L3MBTL4: variants seen among roughly 807,000 people sequenced by gnomAD.
L3MBTL4 encodes L3MBTL histone methyl-lysine binding protein 4, also known as lethal(3)malignant brain tumor-like protein 4.
L3MBTL4 carries 70 observed loss-of-function variants against 84.5 expected under a neutral mutation model. That is an observed-to-expected ratio of 0.83 (90% confidence interval 0.68 to 1.01). The LOEUF is 1.01. Ranked by LOEUF, L3MBTL4 falls within the 50% of genes least tolerant of loss-of-function variation. The pLI, the probability that L3MBTL4 is intolerant of heterozygous loss-of-function variation, is 0.00. For synonymous variants in L3MBTL4, 274 were observed against 259.8 expected, an observed-to-expected ratio of 1.05 and a Z score of -0.52; for missense variants, 715 against 754.8, an observed-to-expected ratio of 0.95 and a Z score of 0.62.
intron 1 of L3MBTL4, among the ~76,000 whole-genome samples, chr18:6,404,304 C>T (rs2055632419): frequency 6.6e-6 from 1 of 152,290 alleles, no homozygotes; most frequent in East Asian, 1.9e-4. Flanking sequence ...ACCTCAGGAA[C>T]GTCCTTCCAC....
chr18:6,215,841 A>T lies in L3MBTL4; in HGVS notation c.785-6T>A, dbSNP rs1006192786. ...ATTTTCTGGATTGGGATAACCTGAA[A>T]ATATATATATATAAATAGCAAAAGA... On this transcript the variant is annotated splice_region_variant and splice_polypyrimidine_tract_variant and intron_variant, in intron 10 of 18. Transcript: ENST00000317931. The T allele has an allele frequency of 1.4e-5, 21 of 1,464,244 alleles. No homozygotes were observed. The highest frequency in any genetic ancestry group is 2.8e-5 in the African/African-American group (2 of 70,630). The allele number at this position is 1,464,244 out of a possible 1,614,324, so 90.7% of individuals were successfully genotyped here. A position where few individuals can be genotyped will look rare whatever the true frequency, so the allele number is the denominator to read the frequency against.
chr18:6,355,438 T>C (rs185806550), intron 1 of L3MBTL4, among the ~76,000 whole-genome samples: 42 of 152,166 alleles, frequency 2.8e-4, no homozygotes, highest in African/African-American at 6.3e-4. Context: ...TTTTTTTTTT[T>C]CTTTGGAAAA....
At chr18:6,317,977 G>T (rs1404944915) in intron 1 of L3MBTL4, among the ~76,000 whole-genome samples, 2 of 152,094 alleles carry the variant, frequency 1.3e-5, no homozygotes, top group Admixed American at 1.3e-4. Flanking sequence ...ATAACTGAGA[G>T]CCAAGAATTC....
intron 13 of L3MBTL4, among the ~76,000 whole-genome samples, chr18:6,171,427 G>A (rs2043965261): frequency 6.6e-6 from 1 of 152,122 alleles, no homozygotes; most frequent in Non-Finnish European, 1.5e-5. Context: ...AAAATTGTTG[G>A]AAGTTAAAAT....
At chr18:6,266,383 A>G (rs2146412002) in intron 4 of L3MBTL4, among the ~76,000 whole-genome samples, 1 of 152,190 alleles carries the variant, frequency 6.6e-6, no homozygotes, top group East Asian at 1.9e-4. Context: ...ACACACACAC[A>G]TCCTTGGAGA....
chr18:6,089,311 A>G (rs1211165310), intron 15 of L3MBTL4, among the ~76,000 whole-genome samples: 1 of 152,216 alleles, frequency 6.6e-6, no homozygotes, highest in Admixed American at 6.5e-5. Flanking sequence ...TTTGTATTAT[A>G]TATAGTATAA....
chr18:6,101,552 A>C (rs1031040538), intron 14 of L3MBTL4, among the ~76,000 whole-genome samples: 1 of 152,166 alleles, frequency 6.6e-6, no homozygotes, highest in Non-Finnish European at 1.5e-5. Context: ...TGTGGTAACA[A>C]AAGAGGCTTT....
intron 1 of L3MBTL4, among the ~76,000 whole-genome samples, chr18:6,363,489 G>T (rs868200050): frequency 1.6e-4 from 25 of 152,152 alleles, no homozygotes; most frequent in African/African-American, 4.8e-4. Context: ...AAGTGACAAA[G>T]ATAAAGAAAA....
At chr18:6,277,455 T>C (rs1334982357) in intron 4 of L3MBTL4, among the ~76,000 whole-genome samples, 2 of 152,190 alleles carry the variant, frequency 1.3e-5, no homozygotes, top group African/African-American at 4.8e-5. Flanking sequence ...CTCACATATC[T>C]CCTTCTGGTT....
chr18:6,130,486 T>C lies in L3MBTL4; in HGVS notation c.1199+7708A>G, dbSNP rs908571451. On this transcript the variant is annotated intron_variant, in intron 14 of 18. Coordinates refer to ENST00000317931, the MANE Select transcript of L3MBTL4 (RefSeq NM_001330559.2). ...AGTAAATGCTCCTCTTCTATTTGTA[T>C]TGTTTCAGGTTTGACACTTCAGTCA... is the stretch of plus-strand genomic sequence containing the variant. Among the ~76,000 whole-genome samples the C allele has an allele frequency of 2.6e-5, 4 of 152,158 alleles. No homozygotes were observed. In the East Asian group the frequency reaches 5.8e-4, roughly 22 times the overall value.
chr18:6,387,775 G>A (rs1446315276), intron 1 of L3MBTL4, among the ~76,000 whole-genome samples: 2 of 152,248 alleles, frequency 1.3e-5, no homozygotes, highest in Non-Finnish European at 2.9e-5. Flanking sequence ...GGGCTGCAAA[G>A]CCCCTAATCG....
chr18:5,961,298 A>C (rs2095262153), intron 17 of L3MBTL4, among the ~76,000 whole-genome samples: 1 of 152,140 alleles, frequency 6.6e-6, no homozygotes, highest in African/African-American at 2.4e-5. Flanking sequence ...GCTGCCCCTG[A>C]CGGTGCAGGA....
intron 18 of L3MBTL4, among the ~76,000 whole-genome samples, chr18:5,958,309 G>A (rs190915040): frequency 6.6e-6 from 1 of 152,262 alleles, no homozygotes; most frequent in Non-Finnish European, 1.5e-5. Flanking sequence ...GTGCATTTAT[G>A]ATATATTGTC....
intron 6 of L3MBTL4, among the ~76,000 whole-genome samples, chr18:6,243,775 G>C (rs1011548301): frequency 2.6e-5 from 4 of 151,978 alleles, no homozygotes; most frequent in African/African-American, 9.7e-5. Context: ...CTGCCCTCTG[G>C]CCTGGATTCA....
intron 16 of L3MBTL4, among the ~76,000 whole-genome samples, chr18:5,975,183 A>G (rs2052852325): frequency 6.6e-6 from 1 of 152,206 alleles, no homozygotes; most frequent in Non-Finnish European, 1.5e-5. Context: ...CTCACAAAAC[A>G]AAACTGAAGC....
intron 16 of L3MBTL4, among the ~76,000 whole-genome samples, chr18:5,970,168 A>G (rs1158995462): frequency 6.6e-6 from 1 of 152,212 alleles, no homozygotes; most frequent in Admixed American, 6.5e-5. Context: ...CTGGGGTGAC[A>G]TCCTGTGGCA....
chr18:6,047,111 T>C (rs532787365), intron 16 of L3MBTL4, among the ~76,000 whole-genome samples: 2 of 152,260 alleles, frequency 1.3e-5, no homozygotes, highest in African/African-American at 4.8e-5. Flanking sequence ...CAGAGACTAT[T>C]ATGAACATCT....
chr18:6,138,007 G>A (rs1338718701), intron 14 of L3MBTL4, among the ~76,000 whole-genome samples, 187 bp downstream of exon 14: 1 of 152,118 alleles, frequency 6.6e-6, no homozygotes, highest in Non-Finnish European at 1.5e-5. Flanking sequence ...ATAATTCCAA[G>A]AAGGTTCTAG....
At chr18:6,162,398 C>CA (rs950355982) in intron 13 of L3MBTL4, among the ~76,000 whole-genome samples, 25 of 150,528 alleles carry the variant, frequency 1.7e-4, no homozygotes, top group African/African-American at 3.2e-4. Context: ...CAAAAGAGTT[C>CA]AAAAAAAAAT....
Sources: allele counts gnomAD v4.1 joint callset (sites outside exome capture counted in the v4.1 genomes callset), GRCh38; gene constraint gnomAD v4.1.1; transcripts MANE v1.5; gene names NCBI Gene and HGNC (gene_info 2026-07-23, HGNC 2026-07-21).